The following SOS1 variants were observed in gnomAD, a reference collection of about 807,000 sequenced individuals.
The protein encoded by SOS1 is son of sevenless homolog 1.
Under a neutral mutation model 157.6 loss-of-function variants are expected in SOS1, and 25 were observed. The observed-to-expected ratio is 0.16, with a 90% CI of 0.12 to 0.22. The LOEUF (loss-of-function observed/expected upper bound fraction) is 0.22. Ranked by LOEUF, SOS1 falls within the 10% of genes least tolerant of loss-of-function variation. The pLI is 1.00. For missense variants in SOS1, 1,237 were observed against 1,599.1 expected, an observed-to-expected ratio of 0.77 and a Z score of 3.86; for synonymous variants, 528 against 534.0, an observed-to-expected ratio of 0.99 and a Z score of 0.16.
At chr2:39,027,925 G>T (rs1159077745) in intron 8 of SOS1, among the ~76,000 whole-genome samples, 1 of 151,526 alleles carries the variant, frequency 6.6e-6, no homozygotes, top group Non-Finnish European at 1.5e-5. Flanking sequence ...ACACCTCCCA[G>T]GTTCAAGCGA....
chr2:39,120,401 A>G lies in SOS1; in HGVS notation c.22T>C (p.Tyr8His), dbSNP rs1673826865. The G allele has an allele frequency of 3.1e-6, 5 of 1,598,896 alleles. No individual in the cohort carries two copies. Among genetic ancestry groups the G allele is most frequent in the Non-Finnish European group, 3.4e-6 (4 of 1,174,164 alleles). The change falls in exon 1 of 23, where the codon TAC becomes CAC. Residue 8 changes from tyrosine (Y) to histidine (H), a missense_variant. By Grantham distance (83) the Tyr-to-His change is moderately conservative. Around this residue, in one of 15 missense-constraint regions of SOS1, gnomAD observed 99 missense variants for 81.6 expected, o/e 1.21. Coordinates refer to ENST00000402219, the MANE Select transcript of SOS1 (RefSeq NM_005633.4). ...GCGTTCTCTTCGCTGAAAAACTCGT[A>G]GGGCAGCTGCTGCGCCTGCATGGTG... Reference protein sequence around the residue: MQAQQLPYEFFSEENAPK... With the variant: MQAQQLPHEFFSEENAPK...
intron 2 of SOS1, among the ~76,000 whole-genome samples, chr2:39,059,422 G>A (rs1256759699): frequency 6.6e-6 from 1 of 152,002 alleles, no homozygotes. Context: ...GAGAGTGAAA[G>A]AACTCAGGTT....
chr2:39,072,491 G>C (rs1379642393), intron 1 of SOS1, among the ~76,000 whole-genome samples: 2 of 152,134 alleles, frequency 1.3e-5, no homozygotes, highest in Non-Finnish European at 2.9e-5. Context: ...CACAAAAGCA[G>C]TTAGAACTAA....
chr2:39,082,900 G>C (rs539293597), intron 1 of SOS1, among the ~76,000 whole-genome samples: 22 of 152,222 alleles, frequency 1.4e-4, no homozygotes, highest in Middle Eastern at 3.4e-3. Context: ...GATATGGTTG[G>C]GGGTTTTATA....
Position 38,995,367 on chromosome 2 carries a change from G to A in SOS1, c.3102C>T (p.Pro1034=). 1.2e-6 allele frequency: 2 copies of A among 1,613,356 alleles called. No individual in the cohort carries two copies. The highest frequency in any genetic ancestry group is 2.2e-5 in the East Asian group (1 of 44,868). Residue 1034 remains proline (P), a synonymous_variant, in exon 20 of 23, where the codon CCC becomes CCT. Transcript: ENST00000402219. ...ATGGACGAACACCAGGAGATTTTAG[G>A]GGATAGCTATATTTTTTTGGCTGTA... ...LPRFPKKYSY[P]LKSPGVRPSN...
intron 8 of SOS1, among the ~76,000 whole-genome samples, chr2:39,027,612 A>G (rs1670007665): frequency 6.6e-6 from 1 of 152,240 alleles, no homozygotes; most frequent in African/African-American, 2.4e-5. Flanking sequence ...AGTGGCAATT[A>G]GTATGTAAAT....
chr2:39,094,072 G>A (rs993009849), intron 1 of SOS1, among the ~76,000 whole-genome samples: 1 of 151,968 alleles, frequency 6.6e-6, no homozygotes, highest in African/African-American at 2.4e-5. Context: ...AACAGAAAAT[G>A]AGAATCCAGA....
intron 14 of SOS1, among the ~76,000 whole-genome samples, chr2:39,011,740 G>A (rs934656212): frequency 3.3e-5 from 5 of 152,190 alleles, no homozygotes; most frequent in African/African-American, 1.2e-4. Flanking sequence ...GCTAGGTAAT[G>A]TACATATATT....
At position 38,985,959 on chromosome 2, in the gene SOS1, C is replaced by T. The variant is rs767844484; in HGVS notation, c.3867G>A (p.Gly1289=). 1.6e-5 allele frequency: 26 copies of T among 1,613,770 alleles called. No homozygotes were observed. In the South Asian group the frequency reaches 2.4e-4, roughly 15 times the overall value. The part of the protein sequence containing the change: ...TQEVDLHSIA[G]PPVPPRQSTS... Reference sequence around the variant, plus strand: ...TGCTTTGTCGTGGAGGAACAGGCGGCCCAGCAATGGAATGAAGGTCCACTT... The same window carrying T: ...TGCTTTGTCGTGGAGGAACAGGCGGTCCAGCAATGGAATGAAGGTCCACTT... The change falls in exon 23 of 23, where the codon GGG becomes GGA. Residue 1289 remains glycine, a synonymous_variant. Transcript: ENST00000402219.
At chr2:38,998,257 T>C (rs1215693287) in intron 17 of SOS1, among the ~76,000 whole-genome samples, 2 of 152,088 alleles carry the variant, frequency 1.3e-5, no homozygotes, top group Admixed American at 6.5e-5. Flanking sequence ...ATTTTATATT[T>C]TATATTTTTT....
intron 1 of SOS1, among the ~76,000 whole-genome samples, chr2:39,068,895 G>A (rs571814783): frequency 6.6e-6 from 1 of 151,974 alleles, no homozygotes; most frequent in Non-Finnish European, 1.5e-5. Flanking sequence ...AACAATACAT[G>A]TTCCAAAACA....
chr2:39,078,001 A>G (rs535903726), intron 1 of SOS1, among the ~76,000 whole-genome samples: 4 of 152,252 alleles, frequency 2.6e-5, no homozygotes, highest in South Asian at 2.1e-4. Flanking sequence ...AAGTGGAAAG[A>G]TAAGTCACAC....
chr2:39,062,198 G>C (rs1397513020), intron 2 of SOS1, among the ~76,000 whole-genome samples: 1 of 151,770 alleles, frequency 6.6e-6, no homozygotes, highest in Non-Finnish European at 1.5e-5. Flanking sequence ...TGGGCGGACT[G>C]CTTGAGGTCA....
rs149092581 is a variant in SOS1 at position 39,006,443 on chromosome 2, C to T, written c.2760G>A (p.Arg920=). 4.8e-4 allele frequency: 757 copies of T among 1,582,942 alleles called. 7 individuals carry two copies. Among genetic ancestry groups the T allele is most frequent in the Admixed American group, 4.0e-4 (24 of 59,926 alleles). The change falls in exon 17 of 23, where the codon AGG becomes AGA. Residue 920 remains arginine (R), a synonymous_variant. Coordinates refer to ENST00000402219, the MANE Select transcript of SOS1 (RefSeq NM_005633.4). ...DHYKKYLAKL[R]SINPPCVPFF... ...AAGGCACACATGGTGGATTAATAGA[C>T]CTGAGTTTTGCCAAATATTTCTTAT... is the stretch of plus-strand genomic sequence containing the variant.
At chr2:39,055,358 T>C (rs1035749413) in intron 4 of SOS1, among the ~76,000 whole-genome samples, 1 of 152,172 alleles carries the variant, frequency 6.6e-6, no homozygotes, top group Non-Finnish European at 1.5e-5. Flanking sequence ...CAATAAAATA[T>C]TATTTTATCT....
chr2:39,093,558 T>C (rs995169590), intron 1 of SOS1, among the ~76,000 whole-genome samples: 1 of 152,264 alleles, frequency 6.6e-6, no homozygotes, highest in Non-Finnish European at 1.5e-5. Flanking sequence ...ATTAAGATTA[T>C]TTAACACAAT....
At chr2:39,085,819 A>G (rs1188664743) in intron 1 of SOS1, among the ~76,000 whole-genome samples, 1 of 152,228 alleles carries the variant, frequency 6.6e-6, no homozygotes, top group Non-Finnish European at 1.5e-5. Flanking sequence ...ATATATGCAC[A>G]CATTCAACAG....
Position 39,051,859 on chromosome 2 carries a change from T to G in SOS1, c.721-572A>C, listed in dbSNP as rs964077429. 1.1e-4 allele frequency among the ~76,000 whole-genome samples: 17 copies of G among 152,206 alleles called. 1 individual carries two copies. Among genetic ancestry groups the G allele is most frequent in the African/African-American group, 3.6e-4 (15 of 41,452 alleles). On this transcript the variant is annotated intron_variant, in intron 5 of 22. Transcript: ENST00000402219. ...ATTATTTCAAAGTATACGAAAAATC[T>G]AGCTTTTCTGTGTAATTTTTTTATT...
chr2:39,113,697 C>CT (rs1442202369), intron 1 of SOS1, among the ~76,000 whole-genome samples: 1 of 152,036 alleles, frequency 6.6e-6, no homozygotes, highest in African/African-American at 2.4e-5. Flanking sequence ...AAGTGCTTAC[C>CT]TTATCTCCCA....
Sources: allele counts gnomAD v4.1 joint callset (sites outside exome capture counted in the v4.1 genomes callset), GRCh38; gene constraint gnomAD v4.1.1; regional missense constraint gnomAD v4.1.1; transcripts MANE v1.5; gene names NCBI Gene and HGNC (gene_info 2026-07-23, HGNC 2026-07-21).